Variants in ASTN2 observed in about 807,000 individuals in gnomAD.
The protein encoded by ASTN2 is astrotactin 2, also known as astrotactin-2.
In ASTN2, 54 loss-of-function variants were observed where a neutral mutation model predicts 139.8. The observed-to-expected ratio is 0.39, with a 90% CI of 0.31 to 0.48. The LOEUF (loss-of-function observed/expected upper bound fraction) is 0.48, where lower values mean the gene tolerates loss of function less well. Ranked by LOEUF, ASTN2 falls within the 20% of genes least tolerant of loss-of-function variation. The probability of loss-of-function intolerance (pLI) is 0.95; values close to 1 mark genes in which losing one functional copy is unlikely to be tolerated. For missense variants in ASTN2, 1,565 were observed against 1,725.1 expected (o/e 0.91, Z 1.64); for synonymous variants, 756 against 719.5 (o/e 1.05, Z -0.81).
Position 117,344,021 on chromosome 9 carries a change from G to C in ASTN2, c.443-52508C>G, listed in dbSNP as rs185086350. On this transcript the variant is annotated intron_variant, in intron 1 of 22. Coordinates refer to ENST00000313400, the MANE Select transcript of ASTN2 (RefSeq NM_001365068.1). ...TGTCACCCAAAGCATCTCTGTCTTA[G>C]ATGTTACTCCAAAAATTCCTGAAGC... Among the ~76,000 whole-genome samples, 27 of 152,190 alleles carry C rather than the reference G, an allele frequency of 1.8e-4. No individual in the cohort carries two copies. The East Asian group carries it at 5.0e-3, about 28-fold the overall frequency.
intron 1 of ASTN2, among the ~76,000 whole-genome samples, chr9:117,396,983 C>A (rs1830695847): frequency 2.0e-5 from 3 of 150,564 alleles, no homozygotes; most frequent in African/African-American, 7.3e-5. Flanking sequence ...GCTTTGTCAC[C>A]CAGGCTAGAG....
chr9:116,933,904 A>C (rs1834982355), intron 10 of ASTN2, among the ~76,000 whole-genome samples: 1 of 151,464 alleles, frequency 6.6e-6, no homozygotes, highest in Admixed American at 6.6e-5. Context: ...ATACTTGGTA[A>C]ATGGAGGGTA....
intron 1 of ASTN2, among the ~76,000 whole-genome samples, chr9:117,373,971 G>A (rs182183462): frequency 6.6e-6 from 1 of 152,224 alleles, no homozygotes; most frequent in Admixed American, 6.5e-5. Flanking sequence ...CAGAACATAC[G>A]CTTAAATTTT....
chr9:117,308,708 CA>C (rs5900281), intron 1 of ASTN2, among the ~76,000 whole-genome samples: 45,220 of 151,556 alleles, frequency 0.3, 7,706 homozygotes, highest in East Asian at 0.44. Flanking sequence ...ACAGGATTGG[CA>C]AGAGGAGGAG....
At chr9:116,481,923 C>G (rs1164688826) in intron 20 of ASTN2, among the ~76,000 whole-genome samples, 1 of 152,154 alleles carries the variant, frequency 6.6e-6, no homozygotes, top group African/African-American at 2.4e-5. Context: ...CATTAAGAAT[C>G]AGCTTGGGTA....
At chr9:116,903,485 T>C (rs1222018352) in intron 10 of ASTN2, among the ~76,000 whole-genome samples, 1 of 152,196 alleles carries the variant, frequency 6.6e-6, no homozygotes, top group Non-Finnish European at 1.5e-5. Context: ...TGTTAGGGTC[T>C]CTTAAGAAAT....
At chr9:116,748,972 C>G (rs1221073954) in intron 13 of ASTN2, among the ~76,000 whole-genome samples, 6 of 152,192 alleles carry the variant, frequency 3.9e-5, no homozygotes, top group Non-Finnish European at 8.8e-5. Flanking sequence ...TATGTCTTCT[C>G]TCTCACCTTT....
chr9:116,667,263 G>A (rs1032920687), intron 16 of ASTN2, among the ~76,000 whole-genome samples: 7 of 151,872 alleles, frequency 4.6e-5, no homozygotes, highest in Non-Finnish European at 7.4e-5. Context: ...GCCTTGATCC[G>A]TATTTAAATA....
chr9:116,955,927 G>C (rs1835692820), intron 10 of ASTN2, among the ~76,000 whole-genome samples: 1 of 152,136 alleles, frequency 6.6e-6, no homozygotes, highest in Non-Finnish European at 1.5e-5. Context: ...AGAAACTACA[G>C]TCAACATGCT....
chr9:116,911,670 C>T (rs774007036), intron 10 of ASTN2, among the ~76,000 whole-genome samples: 49 of 152,118 alleles, frequency 3.2e-4, no homozygotes, highest in Non-Finnish European at 5.3e-4. Flanking sequence ...TTTGGGAGGC[C>T]GAGGCAGGCG....
At chr9:117,064,784 C>A (rs1827880085) in intron 5 of ASTN2, among the ~76,000 whole-genome samples, 1 of 147,792 alleles carries the variant, frequency 6.8e-6, no homozygotes, top group Non-Finnish European at 1.5e-5. Context: ...CATGTAACCC[C>A]TAGATCTATA....
intron 16 of ASTN2, among the ~76,000 whole-genome samples, chr9:116,668,934 T>C (rs1226593310): frequency 1.3e-5 from 2 of 152,020 alleles, no homozygotes; most frequent in East Asian, 1.9e-4. Context: ...CCAGACCAGA[T>C]TGAGGACTAC....
Position 116,729,079 on chromosome 9 carries a change from C to T in ASTN2, c.2539G>A (p.Glu847Lys). Residue 847 changes from glutamate to lysine, a missense_variant, in exon 15 of 23, where the codon GAG becomes AAG. By Grantham distance (56) the Glu-to-Lys change is moderately conservative. Transcript: ENST00000313400. ...TGCACCATGGGGTAACCCATGGCCT[C>T]ATCATACCTGATATCTCCTGGGAGA... The part of the protein sequence containing the change: ...QLLTGDIRYD[E>K]AMGYPMVQQW... The T allele has an allele frequency of 6.3e-7, 1 of 1,591,284 alleles. No individual in the cohort carries two copies. The highest frequency in any genetic ancestry group is 8.6e-7 in the Non-Finnish European group (1 of 1,167,878).
rs559603338 is a variant in ASTN2, at chr9:117,371,589, C to T, written c.442+42908G>A. Among the ~76,000 whole-genome samples the T allele has an allele frequency of 8.8e-4, 134 of 152,262 alleles. 1 individual carries two copies. Among genetic ancestry groups the T allele is most frequent in the African/African-American group, 3.1e-3 (130 of 41,556 alleles). On this transcript the variant is annotated intron_variant, in intron 1 of 22. Transcript: ENST00000313400. Reference sequence around the variant, plus strand: ...AATAGTTGTGTGACCTTCAGCAAGGCTCAGAATCTCCTTGTGCCTCAATTT... The same window carrying T: ...AATAGTTGTGTGACCTTCAGCAAGGTTCAGAATCTCCTTGTGCCTCAATTT...
intron 12 of ASTN2, among the ~76,000 whole-genome samples, chr9:116,809,024 A>G (rs2132252065): frequency 6.6e-6 from 1 of 152,072 alleles, no homozygotes; most frequent in Non-Finnish European, 1.5e-5. Context: ...TATATGCTCA[A>G]TATTTTCTGG....
At chr9:117,150,917 G>T (rs1348473277) in intron 3 of ASTN2, among the ~76,000 whole-genome samples, 1 of 152,036 alleles carries the variant, frequency 6.6e-6, no homozygotes, top group East Asian at 1.9e-4. Flanking sequence ...TGCCCAGGTT[G>T]GTCTTGAACT....
At chr9:116,702,751 C>T (rs1827864531) in intron 16 of ASTN2, among the ~76,000 whole-genome samples, 1 of 151,824 alleles carries the variant, frequency 6.6e-6, no homozygotes, top group African/African-American at 2.4e-5. Context: ...GTTGGTTAAG[C>T]CCCTCCTCCC....
At chr9:116,650,003 C>T (rs1359691959) in intron 17 of ASTN2, among the ~76,000 whole-genome samples, 1 of 152,176 alleles carries the variant, frequency 6.6e-6, no homozygotes, top group Non-Finnish European at 1.5e-5. Context: ...TCCCTACCTC[C>T]TTTCTCCCAT....
intron 1 of ASTN2, among the ~76,000 whole-genome samples, chr9:117,339,137 C>A (rs148867884): frequency 8.3e-4 from 126 of 152,214 alleles, no homozygotes; most frequent in African/African-American, 2.9e-3. Flanking sequence ...GACTACAACA[C>A]CATCAAACCC....
Sources: allele counts gnomAD v4.1 joint callset (sites outside exome capture counted in the v4.1 genomes callset), GRCh38; gene constraint gnomAD v4.1.1; transcripts MANE v1.5; gene names NCBI Gene and HGNC (gene_info 2026-07-23, HGNC 2026-07-21).